The following SYNE1 variants were observed in gnomAD, a reference collection of about 807,000 sequenced individuals.
SYNE1 encodes spectrin repeat containing nuclear envelope protein 1.
SYNE1 carries 616 observed loss-of-function variants against 1,111.0 expected under a neutral mutation model. The ratio of observed to expected loss-of-function variants is 0.55; its 90% CI spans 0.52 to 0.59. SYNE1 has a LOEUF of 0.59. Ranked by LOEUF, SYNE1 falls within the 20% of genes least tolerant of loss-of-function variation. SYNE1 has a pLI of 0.00. For synonymous variants in SYNE1, 3,855 were observed against 3,825.8 expected (o/e 1.01, Z -0.28); for missense variants, 10,006 against 10,417.0 (o/e 0.96, Z 1.72).
At chr6:152,596,266 GTTTGT>G (rs374757315) in intron 3 of SYNE1, among the ~76,000 whole-genome samples, 15,274 of 118,560 alleles carry the variant, frequency 0.13, 1,146 homozygotes, top group East Asian at 0.42. Flanking sequence ...TTTTTTGTTT[GTTTGT>G]TTTTTTTTTT....
intron 4 of SYNE1, among the ~76,000 whole-genome samples, chr6:152,536,929 G>C (rs2099246164): frequency 6.6e-6 from 1 of 152,100 alleles, no homozygotes; most frequent in South Asian, 2.1e-4. Context: ...AAGTTGCTAA[G>C]GCACTGTAAT....
intron 129 of SYNE1, among the ~76,000 whole-genome samples, chr6:152,177,075 T>C (rs1395952764): frequency 6.6e-6 from 1 of 152,200 alleles, no homozygotes; most frequent in Non-Finnish European, 1.5e-5. Context: ...AGTTCCTTCA[T>C]TTTAAAGAGA....
Position 152,318,144 on chromosome 6 carries a change from T to C in SYNE1, c.16509A>G (p.Lys5503=), listed in dbSNP as rs2153899208. 6.2e-7 allele frequency: 1 copy of C among 1,614,158 alleles called. No individual in the cohort carries two copies. Among genetic ancestry groups the C allele is most frequent in the Non-Finnish European group, 8.5e-7 (1 of 1,180,034 alleles). ...TGGTCTGCTGGTGAAGTTCAGTCAG[T>C]TTTCCTATCTTCTTGGCCAGTGGCT... ...LGKPLAKKIG[K]LTELHQQTIR... Residue 5503 remains lysine, a synonymous_variant, in exon 86 of 146, where the codon AAA becomes AAG. Transcript: ENST00000367255.
At chr6:152,209,541 G>C (rs1000208860) in intron 124 of SYNE1, among the ~76,000 whole-genome samples, 1 of 152,084 alleles carries the variant, frequency 6.6e-6, no homozygotes, top group African/African-American at 2.4e-5. Flanking sequence ...CCTGAGGTCA[G>C]GAGTTTGAGA....
In SYNE1 at chr6:152,246,926, C is replaced by T. The variant is rs184700004; in HGVS notation, c.19572+2235G>A. 1.1e-4 allele frequency among the ~76,000 whole-genome samples: 17 copies of T among 152,174 alleles called. No individual in the cohort carries two copies. In the East Asian group the frequency reaches 2.5e-3, roughly 22 times the overall value. ...GAAGGATCACATAAAAACAGCAAAG[C>T]GATCAATAAAGTGTGAACATGGTAT... On this transcript the variant is annotated intron_variant, in intron 105 of 145. Coordinates refer to ENST00000367255, the MANE Select transcript of SYNE1 (RefSeq NM_182961.4).
intron 101 of SYNE1, 78 bp downstream of exon 101, chr6:152,261,954 G>A: frequency 1.6e-6 from 2 of 1,213,450 alleles, no homozygotes; most frequent in Admixed American, 5.4e-5. Context: ...AAATTAAGTT[G>A]ATTGCACAGT....
Position 152,488,418 on chromosome 6 carries a change from G to A in SYNE1, c.1025C>T (p.Ser342Leu), listed in dbSNP as rs779186829. Residue 342 changes from serine to leucine, a missense_variant, in exon 12 of 146, where the codon TCA becomes TTA. Physicochemically the swap from Ser to Leu is moderately radical, Grantham distance 145. Transcript: ENST00000367255. ...TACCTGATATTTATCCTGTAAATTT[G>A]ATTCCACCATCTGTGCTCTTGTCAA... Reference protein sequence around the residue: ...RDLTRAQMVESNLQDKYQSFK... With the variant: ...RDLTRAQMVELNLQDKYQSFK... 3 of 1,604,670 alleles carry A rather than the reference G, an allele frequency of 1.9e-6. No homozygotes were observed. The South Asian group carries it at 3.3e-5, about 18-fold the overall frequency.
chr6:152,287,891 T>C (rs1397268346), intron 95 of SYNE1, among the ~76,000 whole-genome samples: 3 of 152,218 alleles, frequency 2.0e-5, no homozygotes, highest in Non-Finnish European at 4.4e-5. Context: ...ACCAAAAAAC[T>C]TGCTGCAATT....
chr6:152,501,191 C>A (rs1216233624), intron 10 of SYNE1, among the ~76,000 whole-genome samples: 3 of 151,836 alleles, frequency 2.0e-5, no homozygotes, highest in Non-Finnish European at 4.4e-5. Flanking sequence ...ATTTAAAATT[C>A]CGCAGTGAAT....
chr6:152,179,616 A>G (rs1256961016), intron 129 of SYNE1, among the ~76,000 whole-genome samples: 4 of 139,528 alleles, frequency 2.9e-5, no homozygotes, highest in African/African-American at 8.2e-5. Context: ...CAAGTATTCT[A>G]TATATTTTAT....
Position 152,156,102 on chromosome 6 carries a change from A to G in SYNE1, c.23791-5T>C, listed in dbSNP as rs2061329366. On this transcript the variant is annotated splice_region_variant and splice_polypyrimidine_tract_variant and intron_variant, in intron 131 of 145. Coordinates refer to ENST00000367255, the MANE Select transcript of SYNE1 (RefSeq NM_182961.4). ...CTCTATGTCTCTCTGAAGCTCCTGC[A>G]GGGGAACGTAACAGGCTTTATTCAA... 6.2e-7 allele frequency: 1 copy of G among 1,614,048 alleles called. No individual in the cohort carries two copies. The highest frequency in any genetic ancestry group is 1.7e-5 in the Admixed American group (1 of 59,992).
At chr6:152,284,664 A>G (rs892543154) in intron 95 of SYNE1, among the ~76,000 whole-genome samples, 1 of 120,580 alleles carries the variant, frequency 8.3e-6, no homozygotes, top group African/African-American at 3.3e-5. Context: ...GGATCATGCT[A>G]TGTTGCCCAG....
rs1002910449 is a variant in SYNE1 at position 152,330,257 on chromosome 6, G to A, written c.14428C>T (p.Pro4810Ser). 1.2e-6 allele frequency: 2 copies of A among 1,614,038 alleles called. No individual in the cohort carries two copies. The highest frequency in any genetic ancestry group is 1.1e-5 in the South Asian group (1 of 91,088). Residue 4810 changes from proline to serine, a missense_variant, in exon 78 of 146, where the codon CCT becomes TCT. Pro to Ser is a moderately conservative substitution (Grantham distance 74, BLOSUM62 -1). This residue lies in a region of SYNE1 where 4,955 missense variants were observed against 5,017.2 expected (regional missense o/e 0.99). Coordinates refer to ENST00000367255, the MANE Select transcript of SYNE1 (RefSeq NM_182961.4). Reference protein sequence around the residue: ...EQSKVNEETLPAEEKLKMYHS... With the variant: ...EQSKVNEETLSAEEKLKMYHS... ...TACATTTTGAGCTTCTCCTCTGCAGGCAGCGTTTCCTCATTCACTTTGGAC... is the reference window on the plus strand; with the variant it reads ...TACATTTTGAGCTTCTCCTCTGCAGACAGCGTTTCCTCATTCACTTTGGAC...
At chr6:152,323,338 C>A (rs2153936491) in intron 82 of SYNE1, 140 bp downstream of exon 82, 1 of 1,304,878 alleles carries the variant, frequency 7.7e-7, no homozygotes, top group East Asian at 2.6e-5. Flanking sequence ...CTCAGAGAGG[C>A]TGAGGCAGGA....
intron 105 of SYNE1, among the ~76,000 whole-genome samples, chr6:152,246,335 T>G (rs1274681874): frequency 6.7e-6 from 1 of 149,630 alleles, no homozygotes; most frequent in Non-Finnish European, 1.5e-5. Context: ...AGTAGAACTT[T>G]AAACAACAAA....
chr6:152,159,075 C>T (rs2061925992), intron 131 of SYNE1, among the ~76,000 whole-genome samples: 1 of 152,220 alleles, frequency 6.6e-6, no homozygotes, highest in Non-Finnish European at 1.5e-5. Flanking sequence ...CCTCAGCCTC[C>T]TGAGTAGCTG....
At chr6:152,124,980 C>CT (rs766200641) in intron 145 of SYNE1, among the ~76,000 whole-genome samples, 7 of 152,192 alleles carry the variant, frequency 4.6e-5, no homozygotes, top group Non-Finnish European at 8.8e-5. Flanking sequence ...TACTTATTAA[C>CT]TTCATTTTAC....
At chr6:152,176,362 A>G in intron 130 of SYNE1, 32 bp downstream of exon 130, 1 of 1,613,526 alleles carries the variant, frequency 6.2e-7, no homozygotes, top group Non-Finnish European at 8.5e-7. Context: ...AATACTGCCC[A>G]CACGTGCCCT....
At chr6:152,311,956 T>C (rs2095565037) in intron 87 of SYNE1, among the ~76,000 whole-genome samples, 1 of 151,810 alleles carries the variant, frequency 6.6e-6, no homozygotes, top group Admixed American at 6.6e-5. Context: ...GCTAATTTTT[T>C]GTATTTTTTA....
Sources: gnomAD v4.1 joint callset for allele counts (sites outside exome capture counted in the v4.1 genomes callset) on GRCh38, gnomAD v4.1.1 for gene constraint, gnomAD v4.1.1 regional missense constraint, MANE v1.5 for transcripts, NCBI Gene and HGNC (gene_info 2026-07-23, HGNC 2026-07-21) for gene names.